Variants in YY2 observed in about 807,000 individuals in gnomAD.
YY2 encodes YY2 transcription factor.
For synonymous variants in YY2, 157 were observed against 131.2 expected (o/e 1.20, Z -1.35); for missense variants, 254 against 305.3 (o/e 0.83, Z 1.25).
chrX:21,856,379 C>T lies in YY2; in HGVS notation c.-106C>T, dbSNP rs755945944. The T allele has an allele frequency of 3.3e-5, 31 of 943,730 alleles. No homozygotes were observed. The South Asian group carries it at 7.0e-4, about 21-fold the overall frequency. 77.8% of individuals were successfully genotyped at this position (943,730 alleles called of 1,213,427 possible). A position where few individuals can be genotyped will look rare whatever the true frequency, so the allele number is the denominator to read the frequency against. On this transcript the variant is annotated 5_prime_UTR_variant, in exon 1 of 1. Transcript: ENST00000429584. ...CTCGCGCCTTTCTCTGCAGCTCGCC[C>T]CTTCCTCTGCAGCTCGCCCCTTCCT... is the stretch of plus-strand genomic sequence containing the variant.
In YY2 at chrX:21,856,723, T is replaced by C; in HGVS notation, c.239T>C (p.Met80Thr). ...GGCGACCACGACCAGGAAATGCTTA[T>C]GTTGCAGACACAAGAGGAAGTGGTG... ...GYGDHDQEML[M>T]LQTQEEVVGY... The change falls in exon 1 of 1, where the codon ATG (methionine) becomes ACG (threonine). Residue 80 changes from methionine (M) to threonine (T), a missense_variant. Coordinates refer to ENST00000429584, the MANE Select transcript of YY2 (RefSeq NM_206923.4). 1.7e-6 allele frequency: 2 copies of C among 1,211,934 alleles called. No individual in the cohort carries two copies. Among genetic ancestry groups the C allele is most frequent in the African/African-American group, 3.5e-5 (2 of 57,860 alleles).
rs1351674834 is a variant in YY2 at position 21,858,469 on chromosome X, C to T, written c.*866C>T. 8.1e-6 allele frequency: 1 copy of T among 123,023 alleles called. No homozygotes were observed. The highest frequency in any genetic ancestry group is 3.3e-5 in the African/African-American group (1 of 30,689). The allele number at this position is 123,023 out of a possible 1,213,427, so 10.1% of individuals were successfully genotyped here. On this transcript the variant is annotated 3_prime_UTR_variant, in exon 1 of 1. Coordinates refer to ENST00000429584, the MANE Select transcript of YY2 (RefSeq NM_206923.4). ...AAAAAGTAGTTTGCCTATATCAGTA[C>T]AGAAGTTAGAACTAAAGAAAAGGGG...
In YY2 at chrX:21,856,651, A is replaced by T. The variant is rs1244625310; in HGVS notation, c.167A>T (p.His56Leu). Reference sequence around the variant, plus strand: ...AATTGGATCTACGGTGGCCACAACCATCCGCCATTGATGGTGTTGCAGCCG... The same window carrying T: ...AATTGGATCTACGGTGGCCACAACCTTCCGCCATTGATGGTGTTGCAGCCG... ...DGNWIYGGHN[H>L]PPLMVLQPLF... is the part of the protein sequence containing the mutation. Residue 56 changes from histidine (H) to leucine (L), a missense_variant, in exon 1 of 1, where the codon CAT becomes CTT. Physicochemically the swap from His to Leu is moderately conservative, Grantham distance 99 (BLOSUM62 -3). Transcript: ENST00000429584. 8.3e-7 allele frequency: 1 copy of T among 1,209,886 alleles called. No individual in the cohort carries two copies. Among genetic ancestry groups the T allele is most frequent in the Non-Finnish European group, 1.1e-6 (1 of 895,255 alleles).
Position 21,856,676 on chromosome X carries a change from G to C in YY2, c.192G>C (p.Pro64=), listed in dbSNP as rs773669593. 31 of 1,209,999 alleles carry C rather than the reference G, an allele frequency of 2.6e-5. 1 individual carries two copies. In the Admixed American group the frequency reaches 6.6e-4, roughly 26 times the overall value. Residue 64 remains proline (P), a synonymous_variant, in exon 1 of 1, where the codon CCG becomes CCC. Transcript: ENST00000429584. ...ATCCGCCATTGATGGTGTTGCAGCC[G>C]CTCTTCACGAACACGGGCTATGGCG... is the stretch of plus-strand genomic sequence containing the variant. ...HNHPPLMVLQ[P]LFTNTGYGDH...
At position 21,856,275 on chromosome X, in the gene YY2, A is replaced by T; in HGVS notation, c.-210A>T. On this transcript the variant is annotated 5_prime_UTR_variant, in exon 1 of 1. Transcript: ENST00000429584. ...GCGCCTTCCGGCTCGTGCTTTCCTC[A>T]GTCTCGCGCCTTTCTCTGCAGCTCG... 1 of 423,508 alleles carries T rather than the reference A, an allele frequency of 2.4e-6. No individual in the cohort carries two copies. The highest frequency in any genetic ancestry group is 4.3e-5 in the Admixed American group (1 of 23,386). The allele number at this position is 423,508 out of a possible 1,213,427, so 34.9% of individuals were successfully genotyped here. A position where few individuals can be genotyped will look rare whatever the true frequency, so the allele number is the denominator to read the frequency against.
chrX:21,858,036 CTATG>C lies in YY2; in HGVS notation c.*438_*441del, dbSNP rs893381216. 7.9e-6 allele frequency: 1 copy of C among 125,998 alleles called. No homozygotes were observed. Among genetic ancestry groups the C allele is most frequent in the East Asian group, 2.7e-4 (1 of 3,659 alleles). 10.4% of individuals were successfully genotyped at this position (125,998 alleles called of 1,213,427 possible). A position where few individuals can be genotyped will look rare whatever the true frequency, so the allele number is the denominator to read the frequency against. On this transcript the variant is annotated 3_prime_UTR_variant, in exon 1 of 1. Coordinates refer to ENST00000429584, the MANE Select transcript of YY2 (RefSeq NM_206923.4). Reference sequence around the variant, plus strand: ...ACTTTTAGGAATATGCTTAATAAGTCTATGTATGGTTTTTCTGGAGGTTGATAAC... The same window carrying C: ...ACTTTTAGGAATATGCTTAATAAGTCTATGGTTTTTCTGGAGGTTGATAAC...
At position 21,856,300 on chromosome X, in the gene YY2, GCGCC is replaced by G; in HGVS notation, c.-184_-181del. The G allele has an allele frequency of 2.7e-6, 1 of 368,002 alleles. No individual in the cohort carries two copies. Among genetic ancestry groups the G allele is most frequent in the Non-Finnish European group, 4.6e-6 (1 of 215,609 alleles). 30.3% of individuals were successfully genotyped at this position (368,002 alleles called of 1,213,427 possible). ...AGTCTCGCGCCTTTCTCTGCAGCTC[GCGCC>G]TTTCTCTGCAGCTCGCGCCTTTCTC... is the stretch of plus-strand genomic sequence containing the variant. On this transcript the variant is annotated 5_prime_UTR_variant, in exon 1 of 1. It introduces an in-frame stop codon into an upstream open reading frame of the 5' UTR. Transcript: ENST00000429584.
chrX:21,856,841 C>T lies in YY2; in HGVS notation c.357C>T (p.Thr119=), dbSNP rs748893660. 6 of 1,211,612 alleles carry T rather than the reference C, an allele frequency of 5.0e-6. No individual in the cohort carries two copies. In the South Asian group the frequency reaches 8.8e-5, roughly 18 times the overall value. ...TTGAAGACGAGCACTTCCAGATGAC[C>T]CTGGCCTCTCTGTCGGCCTCGGCGG... is the stretch of plus-strand genomic sequence containing the variant. ...DSIEDEHFQM[T]LASLSASAAS... The change falls in exon 1 of 1, where the codon ACC becomes ACT. Residue 119 remains threonine, a synonymous_variant. Transcript: ENST00000429584.
chrX:21,857,423 C>T lies in YY2; in HGVS notation c.939C>T (p.Cys313=). The T allele has an allele frequency of 2.5e-6, 3 of 1,212,262 alleles. No individual in the cohort carries two copies. Among genetic ancestry groups the T allele is most frequent in the Non-Finnish European group, 3.3e-6 (3 of 895,633 alleles). The change falls in exon 1 of 1, where the codon TGC becomes TGT. Residue 313 remains cysteine, a synonymous_variant. Transcript: ENST00000429584. Reference sequence around the variant, plus strand: ...ACACCGGCGAGAAGCCCTTTCAGTGCACATTCGAAGGCTGCGGGAAACGCT... The same window carrying T: ...ACACCGGCGAGAAGCCCTTTCAGTGTACATTCGAAGGCTGCGGGAAACGCT... The part of the protein sequence containing the change: ...LVHTGEKPFQ[C]TFEGCGKRFS...
In YY2 at chrX:21,856,964, C is replaced by T. The variant is rs371278958; in HGVS notation, c.480C>T (p.Ser160=). The change falls in exon 1 of 1, where the codon AGC becomes AGT. Residue 160 remains serine, a synonymous_variant. Coordinates refer to ENST00000429584, the MANE Select transcript of YY2 (RefSeq NM_206923.4). The part of the protein sequence containing the change: ...ATSTEANPAG[S]SSSLGTRKWE... ...GCACTGAGGCCAACCCGGCAGGCAG[C>T]AGCTCCAGCCTGGGCACGAGGAAGT... 63 of 1,210,453 alleles carry T rather than the reference C, an allele frequency of 5.2e-5. No individual in the cohort carries two copies. The highest frequency in any genetic ancestry group is 8.9e-6 in the Non-Finnish European group (8 of 895,392).
chrX:21,857,587 C>T lies in YY2; in HGVS notation c.1103C>T (p.Thr368Ile). ...LKTHILTHVK[T>I]KNNP ...ACCCACATATTAACGCATGTGAAGA[C>T]CAAAAACAACCCGTGAAAAGGAGAA... is the stretch of plus-strand genomic sequence containing the variant. The change falls in exon 1 of 1, where the codon ACC becomes ATC. Residue 368 changes from threonine to isoleucine, a missense_variant. Coordinates refer to ENST00000429584, the MANE Select transcript of YY2 (RefSeq NM_206923.4). The T allele has an allele frequency of 8.3e-7, 1 of 1,202,955 alleles. No homozygotes were observed. The highest frequency in any genetic ancestry group is 1.1e-6 in the Non-Finnish European group (1 of 890,707).
At position 21,857,210 on chromosome X, in the gene YY2, G is replaced by T. The variant is rs753286973; in HGVS notation, c.726G>T (p.Lys242Asn). 4.1e-6 allele frequency: 5 copies of T among 1,211,814 alleles called. No homozygotes were observed. Among genetic ancestry groups the T allele is most frequent in the Non-Finnish European group, 4.5e-6 (4 of 895,558 alleles). Residue 242 changes from lysine (K) to asparagine (N), a missense_variant, in exon 1 of 1, where the codon AAG becomes AAT. Transcript: ENST00000429584. ...PKQLAEFTKVKPKRSKGEPPK... is the reference protein window; with the variant it reads ...PKQLAEFTKVNPKRSKGEPPK... ...AGCTGGCAGAATTTACTAAAGTGAA[G>T]CCCAAAAGGTCCAAAGGAGAACCTC...
rs781700906 is a variant in YY2 at position 21,856,920 on chromosome X, A to G, written c.436A>G (p.Ser146Gly). 2 of 1,212,086 alleles carry G rather than the reference A, an allele frequency of 1.7e-6. No homozygotes were observed. The highest frequency in any genetic ancestry group is 4.3e-5 in the Admixed American group (2 of 46,071). Reference sequence around the variant, plus strand: ...CAGCAAAAAGCCCAGCAAAAAGCCCAGCGGCAAGAGTGCCACCAGCACTGA... The same window carrying G: ...CAGCAAAAAGCCCAGCAAAAAGCCCGGCGGCAAGAGTGCCACCAGCACTGA... ...SRSKKPSKKP[S>G]GKSATSTEAN... Residue 146 changes from serine (S) to glycine (G), a missense_variant, in exon 1 of 1, where the codon AGC becomes GGC. Coordinates refer to ENST00000429584, the MANE Select transcript of YY2 (RefSeq NM_206923.4).
In YY2 at chrX:21,858,594, T is replaced by C. The variant is rs1399111755; in HGVS notation, c.*991T>C. The C allele has an allele frequency of 8.2e-5, 10 of 122,621 alleles. No individual in the cohort carries two copies. Among genetic ancestry groups the C allele is most frequent in the South Asian group, 3.8e-4 (1 of 2,659 alleles). 10.1% of individuals were successfully genotyped at this position (122,621 alleles called of 1,213,427 possible). On this transcript the variant is annotated 3_prime_UTR_variant, in exon 1 of 1. Transcript: ENST00000429584. ...CCCACGAAACACATAATTATTTGGCTAAAATGCCAATAGTGTCAGGTGCAG... is the reference window on the plus strand; with the variant it reads ...CCCACGAAACACATAATTATTTGGCCAAAATGCCAATAGTGTCAGGTGCAG...
Position 21,856,878 on chromosome X carries a change from A to G in YY2, c.394A>G (p.Thr132Ala), listed in dbSNP as rs750600223. Reference sequence around the variant, plus strand: ...GTCGGCCTCGGCGGCATCAACATCAACATCAACCCAGAGCCGCAGCAAAAA... The same window carrying G: ...GTCGGCCTCGGCGGCATCAACATCAGCATCAACCCAGAGCCGCAGCAAAAA... The part of the protein sequence containing the change: ...SLSASAASTS[T>A]STQSRSKKPS... Residue 132 changes from threonine (T) to alanine (A), a missense_variant, in exon 1 of 1, where the codon ACA becomes GCA. Coordinates refer to ENST00000429584, the MANE Select transcript of YY2 (RefSeq NM_206923.4). The G allele has an allele frequency of 4.1e-6, 5 of 1,209,801 alleles. No individual in the cohort carries two copies. Among genetic ancestry groups the G allele is most frequent in the Non-Finnish European group, 5.6e-6 (5 of 895,130 alleles).
Position 21,856,359 on chromosome X carries a change from G to A in YY2, c.-126G>A, listed in dbSNP as rs2013170. On this transcript the variant is annotated 5_prime_UTR_variant, in exon 1 of 1. Coordinates refer to ENST00000429584, the MANE Select transcript of YY2 (RefSeq NM_206923.4). Reference sequence around the variant, plus strand: ...GCTCGCGCCTTTCTCTGCAGCTCGCGCCTTTCTCTGCAGCTCGCCCCTTCC... The same window carrying A: ...GCTCGCGCCTTTCTCTGCAGCTCGCACCTTTCTCTGCAGCTCGCCCCTTCC... The A allele has an allele frequency of 1.9e-6, 1 of 517,689 alleles. No individual in the cohort carries two copies. The highest frequency in any genetic ancestry group is 2.7e-6 in the Non-Finnish European group (1 of 369,883). The allele number at this position is 517,689 out of a possible 1,213,427, so 42.7% of individuals were successfully genotyped here. A position where few individuals can be genotyped will look rare whatever the true frequency, so the allele number is the denominator to read the frequency against.
rs1162936531 is a variant in YY2 at position 21,856,899 on chromosome X, A to C, written c.415A>C (p.Lys139Gln). 19 of 1,210,004 alleles carry C rather than the reference A, an allele frequency of 1.6e-5. No individual in the cohort carries two copies. Among genetic ancestry groups the C allele is most frequent in the Middle Eastern group, 2.3e-4 (1 of 4,374 alleles). The stretch of plus-strand genomic sequence containing the variant: ...ATCAACATCAACCCAGAGCCGCAGC[A>C]AAAAGCCCAGCAAAAAGCCCAGCGG... ...STSTSTQSRS[K>Q]KPSKKPSGKS... Residue 139 changes from lysine (K) to glutamine (Q), a missense_variant, in exon 1 of 1, where the codon AAA (lysine) becomes CAA (glutamine). By Grantham distance (53) the Lys-to-Gln change is moderately conservative. Transcript: ENST00000429584.
At position 21,856,168 on chromosome X, in the gene YY2, C is replaced by T; in HGVS notation, c.-317C>T. On this transcript the variant is annotated 5_prime_UTR_variant, in exon 1 of 1. In the 5' UTR this introduces an upstream ATG that the reference lacks. Coordinates refer to ENST00000429584, the MANE Select transcript of YY2 (RefSeq NM_206923.4). Reference sequence around the variant, plus strand: ...GCGGGGTCGCAGGGTGGCAAACGTACGCGGGCACGTGCACGTGCTTTTGGG... The same window carrying T: ...GCGGGGTCGCAGGGTGGCAAACGTATGCGGGCACGTGCACGTGCTTTTGGG... 3.6e-6 allele frequency: 1 copy of T among 276,127 alleles called. No individual in the cohort carries two copies. The highest frequency in any genetic ancestry group is 6.4e-6 in the Non-Finnish European group (1 of 155,839). The allele number at this position is 276,127 out of a possible 1,213,427, so 22.8% of individuals were successfully genotyped here.
In YY2 at chrX:21,856,336, TCGCGCCTTTCTCTG is replaced by T. The variant is rs2092921884; in HGVS notation, c.-147_-134del. On this transcript the variant is annotated 5_prime_UTR_variant, in exon 1 of 1. An upstream open reading frame in the 5' UTR loses its in-frame stop. Coordinates refer to ENST00000429584, the MANE Select transcript of YY2 (RefSeq NM_206923.4). ...TGCAGCTCGCGCCTTTCTCTGCAGC[TCGCGCCTTTCTCTG>T]CAGCTCGCGCCTTTCTCTGCAGCTC... 3.9e-6 allele frequency: 2 copies of T among 508,715 alleles called. No individual in the cohort carries two copies. Among genetic ancestry groups the T allele is most frequent in the Non-Finnish European group, 6.6e-6 (2 of 302,723 alleles). 41.9% of individuals were successfully genotyped at this position (508,715 alleles called of 1,213,427 possible).
Sources: gnomAD v4.1 joint callset for allele counts on GRCh38, gnomAD v4.1.1 for gene constraint, MANE v1.5 for transcripts, NCBI Gene and HGNC (gene_info 2026-07-23, HGNC 2026-07-21) for gene names.